The following SLC24A3 variants were observed in gnomAD, a reference collection of about 807,000 sequenced individuals.
The protein encoded by SLC24A3 is sodium/potassium/calcium exchanger 3.
SLC24A3 carries 28 observed loss-of-function variants against 75.8 expected under a neutral mutation model. The ratio of observed to expected loss-of-function variants is 0.37; its 90% CI spans 0.27 to 0.51. The LOEUF (loss-of-function observed/expected upper bound fraction) is 0.51, where lower values mean the gene tolerates loss of function less well. Among genes scored for constraint, SLC24A3 ranks in the 20% least tolerant of loss-of-function variants. The pLI, the probability that SLC24A3 is intolerant of heterozygous loss-of-function variation, is 0.94. For synonymous variants in SLC24A3, 372 were observed against 334.1 expected (o/e 1.11, Z -1.24); for missense variants, 663 against 847.8 (o/e 0.78, Z 2.71).
intron 2 of SLC24A3, among the ~76,000 whole-genome samples, chr20:19,303,957 C>T (rs1453640554): frequency 1.3e-5 from 2 of 152,126 alleles, no homozygotes; most frequent in African/African-American, 2.4e-5. Context: ...GAGGTTGGCC[C>T]GTGTTTCACA....
At chr20:19,298,120 C>T (rs1273533543) in intron 2 of SLC24A3, among the ~76,000 whole-genome samples, 1 of 152,232 alleles carries the variant, frequency 6.6e-6, no homozygotes, top group East Asian at 1.9e-4. Flanking sequence ...GCAGCCTCTT[C>T]ATTACAGACA....
intron 2 of SLC24A3, among the ~76,000 whole-genome samples, chr20:19,447,742 C>G (rs1236228904): frequency 6.6e-6 from 1 of 152,042 alleles, no homozygotes; most frequent in Non-Finnish European, 1.5e-5. Flanking sequence ...CCAGGATGCC[C>G]CATAGATAGA....
chr20:19,328,510 G>A (rs956708461), intron 2 of SLC24A3, among the ~76,000 whole-genome samples: 3 of 152,194 alleles, frequency 2.0e-5, no homozygotes, highest in Non-Finnish European at 4.4e-5. Context: ...GACATGGTTT[G>A]CCTTCTTGCA....
intron 2 of SLC24A3, among the ~76,000 whole-genome samples, chr20:19,502,353 G>T (rs751426649): frequency 2.0e-5 from 3 of 152,084 alleles, no homozygotes; most frequent in African/African-American, 7.2e-5. Context: ...GACTCCACGC[G>T]GCCCAGGGAA....
chr20:19,238,945 C>T (rs564953906), intron 1 of SLC24A3, among the ~76,000 whole-genome samples: 7 of 142,954 alleles, frequency 4.9e-5, no homozygotes, highest in African/African-American at 1.9e-4. Context: ...CATCCCTCAC[C>T]CAGCACACAC....
chr20:19,650,454 C>A (rs900593141), intron 6 of SLC24A3, among the ~76,000 whole-genome samples: 1 of 152,178 alleles, frequency 6.6e-6, no homozygotes, highest in Admixed American at 6.5e-5. Context: ...AGCCATCTTC[C>A]AGTCCCACCA....
chr20:19,704,643 A>G (rs1048857298), intron 15 of SLC24A3, among the ~76,000 whole-genome samples: 2 of 152,182 alleles, frequency 1.3e-5, no homozygotes, highest in African/African-American at 4.8e-5. Context: ...GTCACTCTGT[A>G]TTTACTGAAC....
chr20:19,267,485 A>T (rs1429643055), intron 1 of SLC24A3, among the ~76,000 whole-genome samples: 1 of 152,224 alleles, frequency 6.6e-6, no homozygotes, highest in Admixed American at 6.5e-5. Flanking sequence ...TTGCATTTAC[A>T]TATTTCTAAT....
At chr20:19,700,338 C>T (rs1013154656) in intron 15 of SLC24A3, among the ~76,000 whole-genome samples, 14 of 152,120 alleles carry the variant, frequency 9.2e-5, no homozygotes, top group African/African-American at 3.1e-4. Flanking sequence ...TCTTGAAGTC[C>T]TTCTCCCATA....
chr20:19,584,668 C>T (rs2031269311), intron 4 of SLC24A3, among the ~76,000 whole-genome samples: 1 of 152,184 alleles, frequency 6.6e-6, no homozygotes, highest in African/African-American at 2.4e-5. Context: ...GGGTTGAAGA[C>T]CCCTAGATCT....
intron 6 of SLC24A3, among the ~76,000 whole-genome samples, chr20:19,640,559 G>T (rs1461190094): frequency 1.3e-5 from 2 of 152,142 alleles, no homozygotes; most frequent in African/African-American, 4.8e-5. Context: ...AGACCAGCCT[G>T]CCCAACATGG....
chr20:19,607,936 A>G (rs2031619465), intron 6 of SLC24A3, among the ~76,000 whole-genome samples: 1 of 152,208 alleles, frequency 6.6e-6, no homozygotes, highest in Non-Finnish European at 1.5e-5. Flanking sequence ...AGCAGAACTG[A>G]ACTGCTCGTT....
At chr20:19,370,951 G>A (rs1320340498) in intron 2 of SLC24A3, among the ~76,000 whole-genome samples, 1 of 152,188 alleles carries the variant, frequency 6.6e-6, no homozygotes, top group Admixed American at 6.5e-5. Context: ...CTCATTGGAA[G>A]ATGATGAAAT....
chr20:19,532,507 T>C lies in SLC24A3; in HGVS notation c.348+16943T>C, dbSNP rs8122225. Among the ~76,000 whole-genome samples, 717 of 152,318 alleles carry C rather than the reference T, an allele frequency of 4.7e-3. 5 individuals are homozygous for C. The highest frequency in any genetic ancestry group is 0.016 in the African/African-American group (684 of 41,566). On this transcript the variant is annotated intron_variant, in intron 3 of 16. Transcript: ENST00000328041. ...CCTGGAGGAGAATTCCTGGGGTAGC[T>C]ATGGCAGAGCCTCCCATCAAGCCAT...
intron 2 of SLC24A3, among the ~76,000 whole-genome samples, chr20:19,371,331 C>A (rs1012043239): frequency 6.6e-6 from 1 of 151,304 alleles, no homozygotes; most frequent in Non-Finnish European, 1.5e-5. Context: ...AGGGCAGGCC[C>A]TGGGAGGGTA....
intron 12 of SLC24A3, among the ~76,000 whole-genome samples, chr20:19,686,001 G>A (rs1806592331): frequency 6.6e-6 from 1 of 152,200 alleles, no homozygotes; most frequent in Non-Finnish European, 1.5e-5. Context: ...GAAGACAAAT[G>A]TAAGTTTCGC....
At chr20:19,367,075 C>G (rs1234370606) in intron 2 of SLC24A3, among the ~76,000 whole-genome samples, 1 of 152,250 alleles carries the variant, frequency 6.6e-6, no homozygotes, top group Non-Finnish European at 1.5e-5. Context: ...GTGTACTGAG[C>G]ACTTGGCATG....
intron 1 of SLC24A3, among the ~76,000 whole-genome samples, chr20:19,259,494 G>A (rs1445953709): frequency 6.6e-6 from 1 of 152,232 alleles, no homozygotes; most frequent in Non-Finnish European, 1.5e-5. Flanking sequence ...GCACTGCTGA[G>A]TGGCAGCGAC....
At chr20:19,579,338 C>A (rs2122631132) in intron 3 of SLC24A3, among the ~76,000 whole-genome samples, 1 of 152,302 alleles carries the variant, frequency 6.6e-6, no homozygotes, top group African/African-American at 2.4e-5. Context: ...CTGGTCATAG[C>A]TGACCAAGAT....
Sources: gnomAD v4.1 joint callset for allele counts (sites outside exome capture counted in the v4.1 genomes callset) on GRCh38, gnomAD v4.1.1 for gene constraint, MANE v1.5 for transcripts, NCBI Gene and HGNC (gene_info 2026-07-23, HGNC 2026-07-21) for gene names.